ATP6V1E2: variants seen among roughly 807,000 people sequenced by gnomAD.
The protein encoded by ATP6V1E2 is ATPase H+ transporting V1 subunit E2, also known as V-type proton ATPase subunit E 2.
For missense variants in ATP6V1E2, 308 were observed against 273.3 expected (o/e 1.13, Z -0.90); for synonymous variants, 121 against 104.2 (o/e 1.16, Z -0.98).
chr2:46,521,852 G>C (rs553710904), intron 4 of ATP6V1E2, among the ~76,000 whole-genome samples: 1 of 151,926 alleles, frequency 6.6e-6, no homozygotes, highest in Non-Finnish European at 1.5e-5. Flanking sequence ...CACCACACCC[G>C]GCTAATTTTT....
intron 2 of ATP6V1E2, among the ~76,000 whole-genome samples, chr2:46,541,081 T>G (rs980392674): frequency 1.3e-5 from 2 of 152,184 alleles, no homozygotes; most frequent in Non-Finnish European, 2.9e-5. Context: ...TTCAAGCTCC[T>G]GGATAGACCC....
chr2:46,532,416 T>G (rs950005983), intron 4 of ATP6V1E2, among the ~76,000 whole-genome samples: 1 of 152,110 alleles, frequency 6.6e-6, no homozygotes, highest in Non-Finnish European at 1.5e-5. Context: ...TGTATGTATT[T>G]ATTTATTTAT....
At chr2:46,525,180 A>G (rs1558662576) in intron 4 of ATP6V1E2, among the ~76,000 whole-genome samples, 1 of 152,204 alleles carries the variant, frequency 6.6e-6, no homozygotes, top group Non-Finnish European at 1.5e-5. Context: ...GTTGTGAGAA[A>G]GCAGGGACAG....
At chr2:46,525,950 C>T (rs1253318546) in intron 4 of ATP6V1E2, among the ~76,000 whole-genome samples, 1 of 150,178 alleles carries the variant, frequency 6.7e-6, no homozygotes, top group Non-Finnish European at 1.5e-5. Context: ...GGGGCAAATA[C>T]TTCCCCGGTC....
At chr2:46,513,232 G>A (rs1305427286) in intron 4 of ATP6V1E2, among the ~76,000 whole-genome samples, 1 of 152,096 alleles carries the variant, frequency 6.6e-6, no homozygotes, top group African/African-American at 2.4e-5. Flanking sequence ...AATCCTTCCT[G>A]GAGGTAGGAG....
At chr2:46,542,166 A>G (rs1667813859) in intron 1 of ATP6V1E2, 51 bp downstream of exon 1, 1 of 150,056 alleles carries the variant, frequency 6.7e-6, no homozygotes, top group Non-Finnish European at 1.5e-5. Context: ...TTTCCAGCTC[A>G]AGGACCGCCA....
Position 46,525,467 on chromosome 2 carries a change from AAAAAAAAAAG to A in ATP6V1E2, c.-102+10336_-102+10345del, listed in dbSNP as rs1312445184. ...ACAGAACGAGACTCCGTCTCAAAAA[AAAAAAAAAAG>A]AAAAAAAAAAAAGAAAGCAGGGACA... On this transcript the variant is annotated intron_variant, in intron 4 of 4. Transcript: ENST00000522587. 4.2e-3 allele frequency among the ~76,000 whole-genome samples: 548 copies of A among 131,200 alleles called. 7 individuals are homozygous for A. Among genetic ancestry groups the A allele is most frequent in the Non-Finnish European group, 6.6e-3 (419 of 63,642 alleles). The allele number at this position is 131,200 out of a possible 152,430, so 86.1% of individuals were successfully genotyped here.
chr2:46,527,849 T>C (rs1348660309), intron 4 of ATP6V1E2: 1 of 152,242 alleles, frequency 6.6e-6, no homozygotes, highest in Non-Finnish European at 1.5e-5. Context: ...TCTACTCAAG[T>C]TCTTTGCCCA....
At chr2:46,533,635 T>C (rs1314379791) in intron 4 of ATP6V1E2, among the ~76,000 whole-genome samples, 3 of 152,222 alleles carry the variant, frequency 2.0e-5, no homozygotes, top group Non-Finnish European at 4.4e-5. Context: ...TATTTACCCA[T>C]ATATTTACCA....
intron 4 of ATP6V1E2, among the ~76,000 whole-genome samples, chr2:46,531,662 A>C (rs1450111432): frequency 6.6e-6 from 1 of 152,176 alleles, no homozygotes; most frequent in African/African-American, 2.4e-5. Context: ...AAGGGTTCCA[A>C]TTTCTTCACA....
At chr2:46,522,063 G>C (rs1349392106) in intron 4 of ATP6V1E2, among the ~76,000 whole-genome samples, 4 of 152,084 alleles carry the variant, frequency 2.6e-5, no homozygotes, top group Admixed American at 1.3e-4. Context: ...GGGAGGCAGA[G>C]GTAGAGGATT....
rs777379883 is a variant in ATP6V1E2 at position 46,511,979 on chromosome 2, A to T, written c.*52T>A. The T allele has an allele frequency of 4.9e-5, 74 of 1,500,830 alleles. No individual in the cohort carries two copies. The highest frequency in any genetic ancestry group is 5.1e-5 in the Non-Finnish European group (57 of 1,123,526). The allele number at this position is 1,500,830 out of a possible 1,614,324, so 93.0% of individuals were successfully genotyped here. A position where few individuals can be genotyped will look rare whatever the true frequency, so the allele number is the denominator to read the frequency against. On this transcript the variant is annotated 3_prime_UTR_variant, in exon 5 of 5. Transcript: ENST00000522587. ...ACTACTAGTTTCCTTTCCCCAAAAA[A>T]CTTAAACTTTTATGGTTTAGTGGTT...
Position 46,512,278 on chromosome 2 carries a change from T to C in ATP6V1E2, c.434A>G (p.Glu145Gly). The C allele has an allele frequency of 6.2e-7, 1 of 1,611,872 alleles. No individual in the cohort carries two copies. The highest frequency in any genetic ancestry group is 8.5e-7 in the Non-Finnish European group (1 of 1,178,556). Residue 145 changes from glutamate (E) to glycine (G), a missense_variant, in exon 5 of 5, where the codon GAG becomes GGG. Coordinates refer to ENST00000522587, the MANE Select transcript of ATP6V1E2 (RefSeq NM_001318063.2). ...RCRPQDLLLV[E>G]AAVQKAIPEY... ...GGGGATGGCTTTTTGTACAGCAGCC[T>C]CCACCAGGAGGAGGTCTTGTGGCCG... is the stretch of plus-strand genomic sequence containing the variant.
intron 4 of ATP6V1E2, among the ~76,000 whole-genome samples, chr2:46,522,491 G>T (rs775507623): frequency 5.9e-5 from 9 of 151,978 alleles, no homozygotes; most frequent in Non-Finnish European, 1.2e-4. Flanking sequence ...AACATGCAGT[G>T]TTTGGTTTTC....
intron 4 of ATP6V1E2, among the ~76,000 whole-genome samples, chr2:46,529,775 A>ATAT (rs1667097303): frequency 6.9e-6 from 1 of 144,272 alleles, no homozygotes; most frequent in Admixed American, 6.9e-5. Context: ...GATGATGATG[A>ATAT]TAATAATAAT....
chr2:46,512,612 C>G lies in ATP6V1E2; in HGVS notation c.100G>C (p.Ala34Pro), dbSNP rs765807911. Reference protein sequence around the residue: ...NEKAEEIDAKAEEEFNIEKGR... With the variant: ...NEKAEEIDAKPEEEFNIEKGR... ...TTCTCAATGTTAAACTCTTCCTCAGCCTTGGCATCGATTTCCTCTGCTTTC... is the reference window on the plus strand; with the variant it reads ...TTCTCAATGTTAAACTCTTCCTCAGGCTTGGCATCGATTTCCTCTGCTTTC... The change falls in exon 5 of 5, where the codon GCT becomes CCT. Residue 34 changes from alanine to proline, a missense_variant. By Grantham distance (27) the Ala-to-Pro change is conservative. Coordinates refer to ENST00000522587, the MANE Select transcript of ATP6V1E2 (RefSeq NM_001318063.2). The G allele has an allele frequency of 5.6e-6, 9 of 1,614,056 alleles. No individual in the cohort carries two copies. The highest frequency in any genetic ancestry group is 1.3e-5 in the African/African-American group (1 of 74,916).
chr2:46,533,380 T>C, intron 4 of ATP6V1E2, among the ~76,000 whole-genome samples: 1 of 152,062 alleles, frequency 6.6e-6, no homozygotes, highest in East Asian at 1.9e-4. Flanking sequence ...TCAAGTGATC[T>C]TTCCACCTCA....
At chr2:46,522,284 CAA>C (rs57921616) in intron 4 of ATP6V1E2, among the ~76,000 whole-genome samples, 9 of 136,058 alleles carry the variant, frequency 6.6e-5, no homozygotes, top group Non-Finnish European at 6.4e-5. Flanking sequence ...ACTCTGTCTC[CAA>C]AAAAAAAAAA....
intron 2 of ATP6V1E2, among the ~76,000 whole-genome samples, chr2:46,540,531 A>T (rs1572725018): frequency 6.6e-6 from 1 of 151,362 alleles, no homozygotes; most frequent in Non-Finnish European, 1.5e-5. Context: ...AAAGGAGAGA[A>T]GCAAGCAGAC....
Sources: gnomAD v4.1 joint callset for allele counts (sites outside exome capture counted in the v4.1 genomes callset) on GRCh38, gnomAD v4.1.1 for gene constraint, MANE v1.5 for transcripts, NCBI Gene and HGNC (gene_info 2026-07-23, HGNC 2026-07-21) for gene names.